POM121C: variants seen among roughly 807,000 people sequenced by gnomAD.
POM121C encodes the protein POM121 transmembrane nucleoporin C.
A neutral mutation model predicts 66.4 loss-of-function variants in POM121C; 20 were observed. That is an observed-to-expected ratio of 0.30 (90% CI 0.21 to 0.44). The LOEUF (loss-of-function observed/expected upper bound fraction) is 0.44, where lower values mean the gene tolerates loss of function less well. POM121C is among the 20% of genes least tolerant of loss of function. POM121C has a pLI of 1.00. For synonymous variants in POM121C, 286 were observed against 528.0 expected (o/e 0.54, Z 6.28); for missense variants, 580 against 1,225.7 (o/e 0.47, Z 7.87).
At chr7:75,465,182 T>C (rs587674991) in intron 3 of POM121C, among the ~76,000 whole-genome samples, 15 of 151,794 alleles carry the variant, frequency 9.9e-5, no homozygotes, top group Admixed American at 5.9e-4. Context: ...TTAGTAGAGA[T>C]TGGGGTTTCA....
intron 3 of POM121C, among the ~76,000 whole-genome samples, chr7:75,472,753 C>T (rs1294312646): frequency 4.0e-5 from 6 of 151,816 alleles, no homozygotes; most frequent in African/African-American, 1.5e-4. Flanking sequence ...CTGCAGTGAG[C>T]CGAGATCATG....
intron 3 of POM121C, among the ~76,000 whole-genome samples, chr7:75,462,207 C>G (rs1225982396): frequency 6.7e-6 from 1 of 150,336 alleles, no homozygotes; most frequent in Non-Finnish European, 1.5e-5. Context: ...TGAGGGAGTT[C>G]TCACGAGATC....
rs1351149106 is a variant in POM121C, at chr7:75,486,071, C to T, written c.-665G>A. On this transcript the variant is annotated 5_prime_UTR_variant, in exon 1 of 15. Coordinates refer to ENST00000615331, the MANE Select transcript of POM121C (RefSeq NM_001099415.3). ...AGATCCGCCTCCCTGGGGCTCCCGG[C>T]CCCTCTGGCCCCAGCGCCGCCGGCT... 7.4e-6 allele frequency: 3 copies of T among 405,878 alleles called. No homozygotes were observed. The highest frequency in any genetic ancestry group is 3.1e-5 in the Admixed American group (1 of 32,764). 25.1% of individuals were successfully genotyped at this position (405,878 alleles called of 1,614,324 possible).
intron 3 of POM121C, among the ~76,000 whole-genome samples, chr7:75,451,264 G>A (rs1467135927): frequency 1.3e-5 from 2 of 150,940 alleles, no homozygotes; most frequent in Non-Finnish European, 2.9e-5. Flanking sequence ...AACGCTACCT[G>A]ACTTCAAACT....
chr7:75,470,819 A>C (rs1554478544), intron 3 of POM121C, among the ~76,000 whole-genome samples: 1 of 152,004 alleles, frequency 6.6e-6, no homozygotes, highest in Non-Finnish European at 1.5e-5. Flanking sequence ...TTTTTTATAG[A>C]AATGGGGTCT....
At position 75,418,730 on chromosome 7, in the gene POM121C, T is replaced by C. The variant is rs1184216741; in HGVS notation, c.*66A>G. 119 of 1,527,050 alleles carry C rather than the reference T, an allele frequency of 7.8e-5. No individual in the cohort carries two copies. In the Middle Eastern group the frequency reaches 9.7e-4, roughly 12 times the overall value. 94.6% of individuals were successfully genotyped at this position (1,527,050 alleles called of 1,614,324 possible). ...ACGCAGCTGGAAGGGTCCAAGGCTCTTTCTAGCACGTGCCAAGGTCCAGAT... is the reference window on the plus strand; with the variant it reads ...ACGCAGCTGGAAGGGTCCAAGGCTCCTTCTAGCACGTGCCAAGGTCCAGAT... On this transcript the variant is annotated 3_prime_UTR_variant, in exon 15 of 15. Transcript: ENST00000615331.
At chr7:75,435,356 C>T (rs1241474852) in intron 7 of POM121C, among the ~76,000 whole-genome samples, 6 of 151,686 alleles carry the variant, frequency 4.0e-5, no homozygotes, top group African/African-American at 7.3e-5. Context: ...ATACGCATAC[C>T]GTTTAAAAAA....
At chr7:75,437,435 T>A in intron 7 of POM121C, 80 bp downstream of exon 7, 1 of 1,509,218 alleles carries the variant, frequency 6.6e-7, no homozygotes, top group Non-Finnish European at 8.9e-7. Context: ...ATTACATGGC[T>A]AAGCTACCAT....
chr7:75,463,572 C>T (rs1419288049), intron 3 of POM121C, among the ~76,000 whole-genome samples: 1 of 151,126 alleles, frequency 6.6e-6, no homozygotes, highest in East Asian at 1.9e-4. Flanking sequence ...AAAGAAGACA[C>T]ACTTTGCAAA....
intron 5 of POM121C, among the ~76,000 whole-genome samples, chr7:75,439,438 A>G (rs1166039525): frequency 2.6e-5 from 4 of 152,032 alleles, no homozygotes; most frequent in Non-Finnish European, 4.4e-5. Flanking sequence ...CTGGAGTGCA[A>G]TAGCACAATC....
At chr7:75,448,374 G>T in intron 3 of POM121C, among the ~76,000 whole-genome samples, 1 of 151,804 alleles carries the variant, frequency 6.6e-6, no homozygotes, top group Non-Finnish European at 1.5e-5. Flanking sequence ...ATTGAAAATG[G>T]TAACTACATA....
Position 75,439,179 on chromosome 7 carries a change from C to T in POM121C, c.273G>A (p.Leu91=). 1 of 1,614,224 alleles carries T rather than the reference C, an allele frequency of 6.2e-7. No individual in the cohort carries two copies. The highest frequency in any genetic ancestry group is 8.5e-7 in the Non-Finnish European group (1 of 1,180,048). The stretch of plus-strand genomic sequence containing the variant: ...AAGAAGCGGGGACTCCACTGGCCAC[C>T]AGGGGCTCAAATGCTGAATGTCCAC... The part of the protein sequence containing the change: ...SGSGHSAFEP[L]VASGVPASFV... Residue 91 remains leucine (L), a synonymous_variant, in exon 6 of 15, where the codon CTG becomes CTA. Coordinates refer to ENST00000615331, the MANE Select transcript of POM121C (RefSeq NM_001099415.3).
Position 75,419,433 on chromosome 7 carries a change from G to T in POM121C, c.2753C>A (p.Thr918Asn), listed in dbSNP as rs377567968. The T allele has an allele frequency of 9.3e-5, 150 of 1,613,312 alleles. No homozygotes were observed. In the East Asian group the frequency reaches 2.3e-3, roughly 25 times the overall value. Residue 918 changes from threonine (T) to asparagine (N), a missense_variant, in exon 14 of 15, where the codon ACC becomes AAC. Physicochemically the swap from Thr to Asn is moderately conservative, Grantham distance 65 (BLOSUM62 0). Transcript: ENST00000615331. ...ESKPVFGGTA[T>N]PTFGQNTPAP... The stretch of plus-strand genomic sequence containing the variant: ...AGGGGTGTTCTGACCAAAGGTGGGG[G>T]TGGCGGTGCCTGGAATGAAGAGAAC...
At chr7:75,470,037 G>C (rs1409644414) in intron 3 of POM121C, among the ~76,000 whole-genome samples, 1 of 152,072 alleles carries the variant, frequency 6.6e-6, no homozygotes. Context: ...CACAATCTCG[G>C]CTCACTGCAA....
intron 7 of POM121C, among the ~76,000 whole-genome samples, chr7:75,427,533 T>C (rs1481885807): frequency 1.1e-4 from 16 of 150,280 alleles, no homozygotes; most frequent in African/African-American, 3.9e-4. Context: ...GTGATGATTA[T>C]CCATACATCT....
chr7:75,441,207 T>G, intron 4 of POM121C, 92 bp from the exon 5 acceptor site: 1 of 1,559,052 alleles, frequency 6.4e-7, no homozygotes, highest in South Asian at 1.2e-5. Context: ...CAGGCCAAAG[T>G]ATAATTTATA....
Position 75,425,842 on chromosome 7 carries a change from A to T in POM121C, c.573-134T>A, listed in dbSNP as rs1789920966. On this transcript the variant is annotated intron_variant, in intron 8 of 14. Transcript: ENST00000615331. The stretch of plus-strand genomic sequence containing the variant: ...TCATTTAAGATCTCAGTATGCCAGG[A>T]TAAAAAAAGTCAACAGGAAATTCCA... The T allele has an allele frequency of 2.8e-6, 3 of 1,073,628 alleles. No homozygotes were observed. In the East Asian group the frequency reaches 7.9e-5, roughly 28 times the overall value. 66.5% of individuals were successfully genotyped at this position (1,073,628 alleles called of 1,614,324 possible).
intron 3 of POM121C, among the ~76,000 whole-genome samples, chr7:75,467,949 A>T (rs1335087530): frequency 4.0e-5 from 6 of 151,580 alleles, no homozygotes; most frequent in Non-Finnish European, 8.8e-5. Flanking sequence ...GACCAACATG[A>T]TGAAACCCCA....
At chr7:75,483,050 T>G (rs1199528737) in intron 1 of POM121C, among the ~76,000 whole-genome samples, 2 of 152,100 alleles carry the variant, frequency 1.3e-5, no homozygotes, top group African/African-American at 2.4e-5. Flanking sequence ...GAACAAATAT[T>G]TGACGGATGA....
Sources: gnomAD v4.1 joint callset for allele counts (sites outside exome capture counted in the v4.1 genomes callset) on GRCh38, gnomAD v4.1.1 for gene constraint, MANE v1.5 for transcripts, NCBI Gene and HGNC (gene_info 2026-07-23, HGNC 2026-07-21) for gene names.